Variants in WRNIP1 observed in about 807,000 individuals in gnomAD.
The protein encoded by WRNIP1 is ATPase WRNIP1.
WRNIP1 carries 41 observed loss-of-function variants against 56.1 expected under a neutral mutation model. That is an observed-to-expected ratio of 0.73 (90% CI 0.57 to 0.95). The LOEUF (loss-of-function observed/expected upper bound fraction) is 0.95, where lower values mean the gene tolerates loss of function less well. Ranked by LOEUF, WRNIP1 falls within the 40% of genes least tolerant of loss-of-function variation. The pLI, the probability that WRNIP1 is intolerant of heterozygous loss-of-function variation, is 0.00. For missense variants in WRNIP1, 1,170 were observed against 939.4 expected (o/e 1.25, Z -3.21); for synonymous variants, 547 against 398.1 (o/e 1.37, Z -4.45).
intron 4 of WRNIP1, among the ~76,000 whole-genome samples, chr6:2,779,789 T>C (rs1477075884): frequency 6.6e-6 from 1 of 152,228 alleles, no homozygotes; most frequent in Non-Finnish European, 1.5e-5. Context: ...CCTTGCAGAA[T>C]ACAATCACCT....
rs115887737 is a variant in WRNIP1, at chr6:2,776,423, A to G, written c.1257-2840A>G. Reference sequence around the variant, plus strand: ...TCTTCTTTTGGACGGGGTGAAATTTAAAATGTGGATTATACCCAAGGGGAG... The same window carrying G: ...TCTTCTTTTGGACGGGGTGAAATTTGAAATGTGGATTATACCCAAGGGGAG... On this transcript the variant is annotated intron_variant, in intron 3 of 6. Coordinates refer to ENST00000380773, the MANE Select transcript of WRNIP1 (RefSeq NM_020135.3). 3.5e-3 allele frequency among the ~76,000 whole-genome samples: 531 copies of G among 152,322 alleles called. 2 individuals are homozygous for G. The highest frequency in any genetic ancestry group is 0.011 in the African/African-American group (468 of 41,556).
Position 2,766,403 on chromosome 6 carries a change from A to G in WRNIP1, c.781A>G (p.Ile261Val). The G allele has an allele frequency of 6.2e-7, 1 of 1,605,566 alleles. No homozygotes were observed. The highest frequency in any genetic ancestry group is 8.5e-7 in the Non-Finnish European group (1 of 1,176,190). The change falls in exon 1 of 7, where the codon ATC becomes GTC. Residue 261 changes from isoleucine (I) to valine (V), a missense_variant. Physicochemically the swap from Ile to Val is conservative, Grantham distance 29. Transcript: ENST00000380773. ...LLRSLLETNE[I>V]PSLILWGPPG... ...GCGCTCGCTCCTGGAGACCAACGAAATCCCCTCGCTTATCCTGTGGGGGCC... is the reference window on the plus strand; with the variant it reads ...GCGCTCGCTCCTGGAGACCAACGAAGTCCCCTCGCTTATCCTGTGGGGGCC...
intron 3 of WRNIP1, among the ~76,000 whole-genome samples, chr6:2,777,289 A>G (rs951074736): frequency 6.6e-6 from 1 of 152,204 alleles, no homozygotes; most frequent in Non-Finnish European, 1.5e-5. Flanking sequence ...CTGGGAATAC[A>G]AAGAATAAAA....
intron 3 of WRNIP1, chr6:2,773,330 TC>T: frequency 4.1e-6 from 4 of 985,376 alleles, no homozygotes; most frequent in African/African-American, 1.7e-5. Context: ...CAGGTCCACT[TC>T]CAGTGCCACG....
intron 3 of WRNIP1, among the ~76,000 whole-genome samples, chr6:2,776,153 C>T (rs1464238802): frequency 6.6e-6 from 1 of 152,204 alleles, no homozygotes; most frequent in Admixed American, 6.6e-5. Context: ...GGCATGAGTT[C>T]TCTCATGGGC....
rs1765637194 is a variant in WRNIP1, at chr6:2,783,696, G to A, written c.1642+135G>A. On this transcript the variant is annotated intron_variant, in intron 5 of 6. Transcript: ENST00000380773. ...GGGGTAGCAGGAAGAATGTCTCAGG[G>A]CTATGTGAGACTGGCAGGAGAAGAT... 7 of 693,200 alleles carry A rather than the reference G, an allele frequency of 1.0e-5. No individual in the cohort carries two copies. In the South Asian group the frequency reaches 1.3e-4, roughly 13 times the overall value. 42.9% of individuals were successfully genotyped at this position (693,200 alleles called of 1,614,324 possible).
intron 4 of WRNIP1, among the ~76,000 whole-genome samples, chr6:2,780,972 T>TGGGGG (rs1435862196): frequency 1.3e-5 from 2 of 152,226 alleles, no homozygotes; most frequent in African/African-American, 2.4e-5. Context: ...GAGATAGCTA[T>TGGGGG]TAATATTACC....
At chr6:2,768,669 C>T in intron 1 of WRNIP1, 22 bp from the exon 2 acceptor site, 1 of 1,579,794 alleles carries the variant, frequency 6.3e-7, no homozygotes, top group Non-Finnish European at 8.6e-7. Flanking sequence ...TTTTCAAACT[C>T]CATGTATGTC....
In WRNIP1 at chr6:2,765,952, C is replaced by G; in HGVS notation, c.330C>G (p.Ser110Arg). 7.0e-7 allele frequency: 1 copy of G among 1,434,778 alleles called. No homozygotes were observed. Among genetic ancestry groups the G allele is most frequent in the Non-Finnish European group, 9.1e-7 (1 of 1,094,104 alleles). The allele number at this position is 1,434,778 out of a possible 1,614,324, so 88.9% of individuals were successfully genotyped here. A position where few individuals can be genotyped will look rare whatever the true frequency, so the allele number is the denominator to read the frequency against. Residue 110 changes from serine (S) to arginine (R), a missense_variant, in exon 1 of 7, where the codon AGC becomes AGG. By Grantham distance (110) the Ser-to-Arg change is moderately radical (BLOSUM62 -1). Coordinates refer to ENST00000380773, the MANE Select transcript of WRNIP1 (RefSeq NM_020135.3). ...GCGGCGAGACCGAGAGCCGCGAGAG[C>G]TACGACGCGCCGCCCACACCCAGCG... ...DDGGETESRE[S>R]YDAPPTPSGA... is the part of the protein sequence containing the mutation.
At chr6:2,774,526 T>C (rs913385889) in intron 3 of WRNIP1, among the ~76,000 whole-genome samples, 1 of 152,258 alleles carries the variant, frequency 6.6e-6, no homozygotes, top group Non-Finnish European at 1.5e-5. Context: ...TAAGGACATT[T>C]GTCATTGGAT....
At chr6:2,768,503 A>G (rs1283819692) in intron 1 of WRNIP1, among the ~76,000 whole-genome samples, 188 bp from the exon 2 acceptor site, 1 of 152,190 alleles carries the variant, frequency 6.6e-6, no homozygotes, top group African/African-American at 2.4e-5. Flanking sequence ...TGTTTTATTT[A>G]TAATATTTTT....
Position 2,770,195 on chromosome 6 carries a change from G to A in WRNIP1, c.1090G>A (p.Val364Ile), listed in dbSNP as rs758968923. ...GATTENPSFQVNAALLSRCRV... is the reference protein window; with the variant it reads ...GATTENPSFQINAALLSRCRV... ...AACCACTGAAAACCCTTCCTTCCAG[G>A]TCAACGCTGCTCTTCTGAGCCGCTG... The change falls in exon 3 of 7, where the codon GTC becomes ATC. Residue 364 changes from valine to isoleucine, a missense_variant. Physicochemically the swap from Val to Ile is conservative, Grantham distance 29. Coordinates refer to ENST00000380773, the MANE Select transcript of WRNIP1 (RefSeq NM_020135.3). 1.2e-6 allele frequency: 2 copies of A among 1,614,172 alleles called. No homozygotes were observed. The highest frequency in any genetic ancestry group is 1.7e-6 in the Non-Finnish European group (2 of 1,180,036).
chr6:2,772,253 T>C (rs773247395), intron 3 of WRNIP1, among the ~76,000 whole-genome samples: 11 of 152,248 alleles, frequency 7.2e-5, no homozygotes, highest in African/African-American at 1.4e-4. Flanking sequence ...GATATAACAA[T>C]GAGCTAGAGA....
rs770586670 is a variant in WRNIP1 at position 2,779,378 on chromosome 6, A to G, written c.1372A>G (p.Arg458Gly). The change falls in exon 4 of 7, where the codon AGG (arginine) becomes GGG (glycine). Residue 458 changes from arginine to glycine, a missense_variant. Transcript: ENST00000380773. ...GGCGGTGCTGGCTAGGTTAAGCTCT[A>G]GGAAGATGTTCTGTAAGAAGAGTGG... ...QLAVLARLSS[R>G]KMFCKKSGQS... is the part of the protein sequence containing the mutation. 25 of 1,614,084 alleles carry G rather than the reference A, an allele frequency of 1.5e-5. No homozygotes were observed. The highest frequency in any genetic ancestry group is 2.1e-5 in the Non-Finnish European group (25 of 1,180,048).
rs1309613049 is a variant in WRNIP1, at chr6:2,785,329, G to C, written c.*47G>C. On this transcript the variant is annotated 3_prime_UTR_variant, in exon 7 of 7. Coordinates refer to ENST00000380773, the MANE Select transcript of WRNIP1 (RefSeq NM_020135.3). ...AAGGATGTTGCTTTTTTAAGGGAGG[G>C]CCAGAAAGAAAGTTAGTGGATTGCA... 1.3e-6 allele frequency: 2 copies of C among 1,588,384 alleles called. No homozygotes were observed. Among genetic ancestry groups the C allele is most frequent in the African/African-American group, 2.7e-5 (2 of 74,300 alleles).
At chr6:2,767,864 A>G (rs1765094151) in intron 1 of WRNIP1, among the ~76,000 whole-genome samples, 1 of 152,202 alleles carries the variant, frequency 6.6e-6, no homozygotes, top group Non-Finnish European at 1.5e-5. Flanking sequence ...TGCGAGCCTG[A>G]TTCCAAAAGG....
At position 2,766,075 on chromosome 6, in the gene WRNIP1, C is replaced by T. The variant is rs6917574; in HGVS notation, c.453C>T (p.Ser151=). The T allele has an allele frequency of 3.6e-3, 4,727 of 1,295,530 alleles. 152 individuals carry two copies. The African/African-American group carries it at 0.065, about 18-fold the overall frequency. The allele number at this position is 1,295,530 out of a possible 1,614,324, so 80.3% of individuals were successfully genotyped here. The change falls in exon 1 of 7, where the codon AGC becomes AGT. Residue 151 remains serine (S), a synonymous_variant. Coordinates refer to ENST00000380773, the MANE Select transcript of WRNIP1 (RefSeq NM_020135.3). Reference sequence around the variant, plus strand: ...CGGCGGCCGCCGCCGCGGCGGGGAGCGCGTCTCCGCGCAGCTGGGACGAGG... The same window carrying T: ...CGGCGGCCGCCGCCGCGGCGGGGAGTGCGTCTCCGCGCAGCTGGGACGAGG... ...KRPAAAAAAG[S]ASPRSWDEAE... is the part of the protein sequence containing the mutation.
chr6:2,767,413 T>G (rs920124211), intron 1 of WRNIP1, among the ~76,000 whole-genome samples: 1 of 152,190 alleles, frequency 6.6e-6, no homozygotes, highest in Non-Finnish European at 1.5e-5. Context: ...GCTTTTATGA[T>G]TTTTCTCCTA....
At position 2,765,660 on chromosome 6, in the gene WRNIP1, C is replaced by T. The variant is rs769847161; in HGVS notation, c.38C>T (p.Ser13Leu). Residue 13 changes from serine (S) to leucine (L), a missense_variant, in exon 1 of 7, where the codon TCG (serine) becomes TTG (leucine). Physicochemically the swap from Ser to Leu is moderately radical, Grantham distance 145. Coordinates refer to ENST00000380773, the MANE Select transcript of WRNIP1 (RefSeq NM_020135.3). ...VSGPEDDPFL[S>L]QLHQVQCPVC... ...GGGCCGGAAGACGACCCCTTCCTTT[C>T]GCAGCTGCACCAGGTGCAGTGCCCC... 83 of 1,548,006 alleles carry T rather than the reference C, an allele frequency of 5.4e-5. No individual in the cohort carries two copies. Among genetic ancestry groups the T allele is most frequent in the South Asian group, 2.1e-4 (18 of 87,568 alleles).
Sources: allele counts gnomAD v4.1 joint callset (sites outside exome capture counted in the v4.1 genomes callset), GRCh38; gene constraint gnomAD v4.1.1; transcripts MANE v1.5; gene names NCBI Gene and HGNC (gene_info 2026-07-23, HGNC 2026-07-21).